The following DCAF8 variants were observed in gnomAD, a reference collection of about 807,000 sequenced individuals.
The protein encoded by DCAF8 is DDB1 and CUL4 associated factor 8.
Under a neutral mutation model 68.0 loss-of-function variants are expected in DCAF8, and 20 were observed. The observed-to-expected ratio is 0.29, with a 90% CI of 0.21 to 0.43. The LOEUF (loss-of-function observed/expected upper bound fraction) is 0.43, where lower values mean the gene tolerates loss of function less well. Ranked by LOEUF, DCAF8 falls within the 20% of genes least tolerant of loss-of-function variation. The pLI, the probability that DCAF8 is intolerant of heterozygous loss-of-function variation, is 1.00. For synonymous variants in DCAF8, 230 were observed against 276.9 expected, an observed-to-expected ratio of 0.83 and a Z score of 1.68; for missense variants, 460 against 771.0, an observed-to-expected ratio of 0.60 and a Z score of 4.78.
At chr1:160,218,207 G>T in intron 13 of DCAF8, 117 bp downstream of exon 13, 1 of 784,444 alleles carries the variant, frequency 1.3e-6, no homozygotes, top group Non-Finnish European at 2.3e-6. Flanking sequence ...ACAGAGGACA[G>T]TGGATAGGAA....
Position 160,240,070 on chromosome 1 carries a change from C to A in DCAF8, c.350G>T (p.Arg117Leu). Residue 117 changes from arginine to leucine, a missense_variant, in exon 4 of 14, where the codon CGT becomes CTT. By Grantham distance (102) the Arg-to-Leu change is moderately radical (BLOSUM62 -2). Coordinates refer to ENST00000368074, the MANE Select transcript of DCAF8 (RefSeq NM_015726.4). ...EEEEEEQPRR[R>L]VQRKRANRDQ... ...ACGGTTAGCCCGCTTGCGCTGTACA[C>A]GGCGCCGAGGCTGCTCTTCTTCCTC... The A allele has an allele frequency of 6.2e-7, 1 of 1,614,238 alleles. No homozygotes were observed. The highest frequency in any genetic ancestry group is 2.2e-5 in the East Asian group (1 of 44,884).
chr1:160,261,946 T>G, intron 1 of DCAF8: 1 of 164,684 alleles, frequency 6.1e-6, no homozygotes. Context: ...GAACTTGGGA[T>G]GGGGGAGGGG....
intron 5 of DCAF8, among the ~76,000 whole-genome samples, chr1:160,237,815 C>G (rs903642324): frequency 1.3e-5 from 2 of 152,172 alleles, no homozygotes; most frequent in African/African-American, 4.8e-5. Flanking sequence ...ATTGGGATTA[C>G]AGGCATAAGC....
chr1:160,230,354 CAT>C (rs1456734810), intron 7 of DCAF8, among the ~76,000 whole-genome samples: 1 of 152,098 alleles, frequency 6.6e-6, no homozygotes, highest in African/African-American at 2.4e-5. Flanking sequence ...CCCAAAGAAA[CAT>C]AGTTAAAATA....
chr1:160,223,185 G>A (rs193137961), intron 10 of DCAF8, among the ~76,000 whole-genome samples: 66 of 152,338 alleles, frequency 4.3e-4, no homozygotes, highest in Non-Finnish European at 7.9e-4. Context: ...CAGCTGATCT[G>A]AGACTGATGA....
intron 6 of DCAF8, among the ~76,000 whole-genome samples, chr1:160,235,846 C>G (rs1313544469): frequency 6.6e-6 from 1 of 152,006 alleles, no homozygotes; most frequent in Non-Finnish European, 1.5e-5. Context: ...TCAAGCGATT[C>G]TCCTGCCTCA....
intron 3 of DCAF8, 85 bp from the exon 4 acceptor site, chr1:160,240,455 T>A: frequency 1.5e-6 from 2 of 1,325,794 alleles, no homozygotes; most frequent in Non-Finnish European, 2.0e-6. Context: ...AATCTTCACA[T>A]CAAAAGACCA....
At chr1:160,247,912 A>G (rs1331884186) in intron 2 of DCAF8, among the ~76,000 whole-genome samples, 1 of 152,238 alleles carries the variant, frequency 6.6e-6, no homozygotes, top group African/African-American at 2.4e-5. Flanking sequence ...AAGAAAACAA[A>G]GAAAATAACC....
intron 2 of DCAF8, among the ~76,000 whole-genome samples, chr1:160,248,855 C>T (rs919219062): frequency 6.6e-6 from 1 of 151,476 alleles, no homozygotes; most frequent in East Asian, 1.9e-4. Context: ...GATCCTGCTA[C>T]TCACTGCACT....
rs1006794679 is a variant in DCAF8 at position 160,238,709 on chromosome 1, G to A, written c.762C>T (p.Ala254=). 4 of 1,613,374 alleles carry A rather than the reference G, an allele frequency of 2.5e-6. No individual in the cohort carries two copies. Among genetic ancestry groups the A allele is most frequent in the Non-Finnish European group, 3.4e-6 (4 of 1,179,720 alleles). ...FLPNSGDSTL[A]MCARDGQVRV... ...GAACCTGCCCGTCACGGGCACACAT[G>A]GCCAGAGTAGAATCACCACTGTTAG... The change falls in exon 5 of 14, where the codon GCC becomes GCT. Residue 254 remains alanine, a synonymous_variant. Coordinates refer to ENST00000368074, the MANE Select transcript of DCAF8 (RefSeq NM_015726.4).
At chr1:160,259,033 T>G (rs1465089192) in intron 2 of DCAF8, among the ~76,000 whole-genome samples, 1 of 152,160 alleles carries the variant, frequency 6.6e-6, no homozygotes, top group East Asian at 1.9e-4. Flanking sequence ...CAATGGAGAA[T>G]TTAGACCCTG....
At chr1:160,255,519 T>C (rs1656802493) in intron 2 of DCAF8, among the ~76,000 whole-genome samples, 1 of 152,230 alleles carries the variant, frequency 6.6e-6, no homozygotes, top group South Asian at 2.1e-4. Flanking sequence ...ATTCAAACTA[T>C]GAATAAGGAA....
intron 2 of DCAF8, among the ~76,000 whole-genome samples, chr1:160,255,297 ATTT>A (rs1252936536): frequency 6.6e-6 from 1 of 152,164 alleles, no homozygotes; most frequent in Admixed American, 6.6e-5. Context: ...TTTAAAATAG[ATTT>A]TTTTACTATT....
Position 160,241,024 on chromosome 1 carries a change from C to T in DCAF8, c.50-654G>A, listed in dbSNP as rs1238429093. 3.3e-5 allele frequency among the ~76,000 whole-genome samples: 5 copies of T among 152,148 alleles called. No individual in the cohort carries two copies. In the South Asian group the frequency reaches 8.3e-4, roughly 25 times the overall value. ...CTAAAAATACAAAAAATTAGCCGGG[C>T]GCCTGTAGTCCCAGCTACTCAGGAG... On this transcript the variant is annotated intron_variant, in intron 3 of 13. Coordinates refer to ENST00000368074, the MANE Select transcript of DCAF8 (RefSeq NM_015726.4).
chr1:160,237,806 T>C (rs554739749), intron 5 of DCAF8, among the ~76,000 whole-genome samples: 5 of 152,234 alleles, frequency 3.3e-5, no homozygotes, highest in East Asian at 1.9e-4. Flanking sequence ...TCCCAAAGTA[T>C]TGGGATTACA....
intron 2 of DCAF8, among the ~76,000 whole-genome samples, chr1:160,244,706 C>T (rs1284878136): frequency 6.6e-6 from 1 of 151,972 alleles, no homozygotes; most frequent in Non-Finnish European, 1.5e-5. Context: ...CAAGCTCTGC[C>T]TCCCGGGTTC....
chr1:160,245,111 T>A (rs767173530), intron 2 of DCAF8, among the ~76,000 whole-genome samples: 57 of 152,278 alleles, frequency 3.7e-4, no homozygotes, highest in Admixed American at 1.6e-3. Flanking sequence ...CCATTTCATA[T>A]AATGGCAAAC....
chr1:160,229,306 C>A (rs1196513341), intron 7 of DCAF8, among the ~76,000 whole-genome samples: 4 of 150,980 alleles, frequency 2.6e-5, no homozygotes, highest in Non-Finnish European at 5.9e-5. Flanking sequence ...AAAAAAAAAA[C>A]AAAAATCTTC....
chr1:160,226,585 C>T lies in DCAF8; in HGVS notation c.1071-922G>A, dbSNP rs143349563. 3.3e-3 allele frequency among the ~76,000 whole-genome samples: 498 copies of T among 152,316 alleles called. 1 individual carries two copies. Among genetic ancestry groups the T allele is most frequent in the Admixed American group, 6.8e-3 (104 of 15,292 alleles). ...GAAAAATGCTTTTCATTTCATCCTT[C>T]CAGGGACCTTGTTTGATGATTATCT... On this transcript the variant is annotated intron_variant, in intron 7 of 13. Coordinates refer to ENST00000368074, the MANE Select transcript of DCAF8 (RefSeq NM_015726.4).
Sources: gnomAD v4.1 joint callset for allele counts (sites outside exome capture counted in the v4.1 genomes callset) on GRCh38, gnomAD v4.1.1 for gene constraint, MANE v1.5 for transcripts, NCBI Gene and HGNC (gene_info 2026-07-23, HGNC 2026-07-21) for gene names.